EXT1: variants seen among roughly 807,000 people sequenced by gnomAD.
EXT1 encodes the protein exostosin-1.
In EXT1, 20 loss-of-function variants were observed where a neutral mutation model predicts 82.5. The observed-to-expected ratio is 0.24, with a 90% CI of 0.17 to 0.35. The LOEUF (loss-of-function observed/expected upper bound fraction) is 0.35, where lower values mean the gene tolerates loss of function less well. EXT1 is among the 10% of genes least tolerant of loss of function. EXT1 has a pLI of 1.00. For missense variants in EXT1, 757 were observed against 936.5 expected, an observed-to-expected ratio of 0.81 and a Z score of 2.50; for synonymous variants, 348 against 350.8, an observed-to-expected ratio of 0.99 and a Z score of 0.09.
At chr8:117,817,247 C>T (rs1811838267) in intron 7 of EXT1, among the ~76,000 whole-genome samples, 1 of 152,182 alleles carries the variant, frequency 6.6e-6, no homozygotes. Flanking sequence ...ATAGATAATG[C>T]ACTGATCATC....
intron 1 of EXT1, among the ~76,000 whole-genome samples, chr8:118,028,399 C>T (rs577936042): frequency 1.3e-5 from 2 of 152,284 alleles, no homozygotes; most frequent in South Asian, 2.1e-4. Context: ...CCAACATGTT[C>T]CATTCACCAG....
chr8:117,928,151 A>G (rs1026111673), intron 1 of EXT1, among the ~76,000 whole-genome samples: 4 of 152,222 alleles, frequency 2.6e-5, no homozygotes, highest in African/African-American at 9.6e-5. Flanking sequence ...ATCTAGGCCA[A>G]TGGACTCATT....
chr8:118,088,437 C>G (rs937673927), intron 1 of EXT1, among the ~76,000 whole-genome samples: 21 of 151,064 alleles, frequency 1.4e-4, no homozygotes, highest in African/African-American at 4.9e-4. Flanking sequence ...TAATCTGCAG[C>G]CACCACAGAA....
chr8:117,836,876 C>T (rs1812196157), intron 2 of EXT1, among the ~76,000 whole-genome samples: 1 of 152,246 alleles, frequency 6.6e-6, no homozygotes, highest in Non-Finnish European at 1.5e-5. Flanking sequence ...TGTTTCTAAA[C>T]ATGACCCAGA....
intron 1 of EXT1, among the ~76,000 whole-genome samples, chr8:117,930,915 A>C (rs1195581334): frequency 6.6e-6 from 1 of 152,210 alleles, no homozygotes; most frequent in East Asian, 1.9e-4. Flanking sequence ...CTCACTGCTC[A>C]ATTATATGCT....
intron 1 of EXT1, among the ~76,000 whole-genome samples, chr8:118,025,232 A>G (rs1250796939): frequency 6.6e-6 from 1 of 152,158 alleles, no homozygotes. Flanking sequence ...ACAAAACTCT[A>G]CAGATGAAGG....
At chr8:117,897,847 C>A (rs1813371213) in intron 1 of EXT1, among the ~76,000 whole-genome samples, 1 of 151,934 alleles carries the variant, frequency 6.6e-6, no homozygotes, top group Non-Finnish European at 1.5e-5. Context: ...AAGCGATCTG[C>A]CCTCCTCAGC....
At chr8:117,870,486 G>A (rs567422361) in intron 1 of EXT1, among the ~76,000 whole-genome samples, 109 of 148,140 alleles carry the variant, frequency 7.4e-4, no homozygotes, top group Middle Eastern at 3.5e-3. Context: ...TAAGTAGAAG[G>A]AGCAAGGAGG....
At chr8:118,094,802 T>C (rs1817581056) in intron 1 of EXT1, among the ~76,000 whole-genome samples, 1 of 152,234 alleles carries the variant, frequency 6.6e-6, no homozygotes, top group African/African-American at 2.4e-5. Flanking sequence ...GTGTGTTCCA[T>C]TTCGGATTCG....
At chr8:117,815,455 C>T (rs111575898) in intron 7 of EXT1, among the ~76,000 whole-genome samples, 5 of 152,164 alleles carry the variant, frequency 3.3e-5, no homozygotes, top group African/African-American at 1.2e-4. Context: ...CATCCATTTT[C>T]GAATTCTCAT....
rs910276522 is a variant in EXT1 at position 117,799,304 on chromosome 8, T to C, written c.*408A>G. The C allele has an allele frequency of 8.5e-6, 2 of 234,150 alleles. No homozygotes were observed. The highest frequency in any genetic ancestry group is 1.7e-5 in the Non-Finnish European group (2 of 116,626). The allele number at this position is 234,150 out of a possible 1,614,324, so 14.5% of individuals were successfully genotyped here. A position where few individuals can be genotyped will look rare whatever the true frequency, so the allele number is the denominator to read the frequency against. The stretch of plus-strand genomic sequence containing the variant: ...AACTGCAGGGCACCCTACATGGCCA[T>C]GACAATGATGTCTGTGGGAAAAGGA... On this transcript the variant is annotated 3_prime_UTR_variant, in exon 11 of 11. Coordinates refer to ENST00000378204, the MANE Select transcript of EXT1 (RefSeq NM_000127.3).
At chr8:118,017,456 A>G (rs773203227) in intron 1 of EXT1, among the ~76,000 whole-genome samples, 12 of 152,128 alleles carry the variant, frequency 7.9e-5, no homozygotes, top group Non-Finnish European at 1.5e-4. Context: ...GTCCTCAAGA[A>G]AGCTAAGTCT....
At chr8:117,857,440 C>T (rs1021523470) in intron 1 of EXT1, among the ~76,000 whole-genome samples, 1 of 152,018 alleles carries the variant, frequency 6.6e-6, no homozygotes, top group Non-Finnish European at 1.5e-5. Context: ...CACCTATAAT[C>T]CTATATCATC....
intron 1 of EXT1, among the ~76,000 whole-genome samples, chr8:117,951,681 G>C (rs1438664769): frequency 2.0e-5 from 3 of 152,156 alleles, no homozygotes; most frequent in Non-Finnish European, 4.4e-5. Flanking sequence ...TCTTTATGTA[G>C]ACCACTTCCT....
intron 1 of EXT1, among the ~76,000 whole-genome samples, chr8:118,062,423 G>T (rs1282130046): frequency 6.6e-6 from 1 of 152,148 alleles, no homozygotes; most frequent in Non-Finnish European, 1.5e-5. Flanking sequence ...CAAGGACTCA[G>T]GAAGCAGAGG....
At chr8:118,098,527 C>T (rs1817659740) in intron 1 of EXT1, among the ~76,000 whole-genome samples, 1 of 151,970 alleles carries the variant, frequency 6.6e-6, no homozygotes, top group South Asian at 2.1e-4. Flanking sequence ...GAGGCCGAGG[C>T]GGACAGATCA....
intron 1 of EXT1, among the ~76,000 whole-genome samples, chr8:117,940,094 A>C (rs1029890847): frequency 6.6e-6 from 1 of 152,234 alleles, no homozygotes; most frequent in African/African-American, 2.4e-5. Context: ...AAGTCATGGC[A>C]TTCAATAGCA....
intron 1 of EXT1, among the ~76,000 whole-genome samples, chr8:117,841,814 T>C (rs1047536015): frequency 6.6e-6 from 1 of 152,206 alleles, no homozygotes; most frequent in Non-Finnish European, 1.5e-5. Flanking sequence ...ATGCACCCCA[T>C]TTAAAATGGA....
intron 1 of EXT1, among the ~76,000 whole-genome samples, chr8:117,995,072 T>C (rs1456094087): frequency 6.6e-6 from 1 of 152,180 alleles, no homozygotes; most frequent in Admixed American, 6.5e-5. Context: ...TAACTATGGG[T>C]TCTCACCATC....
Sources: gnomAD v4.1 joint callset for allele counts (sites outside exome capture counted in the v4.1 genomes callset) on GRCh38, gnomAD v4.1.1 for gene constraint, MANE v1.5 for transcripts, NCBI Gene and HGNC (gene_info 2026-07-23, HGNC 2026-07-21) for gene names.